The following LINGO2 variants were observed in gnomAD, a reference collection of about 807,000 sequenced individuals.
LINGO2 encodes the protein leucine-rich repeat and immunoglobulin-like domain-containing nogo receptor-interacting protein 2.
LINGO2 carries 14 observed loss-of-function variants against 30.6 expected under a neutral mutation model. The ratio of observed to expected loss-of-function variants is 0.46; its 90% CI spans 0.30 to 0.72. The LOEUF is 0.72. Among genes scored for constraint, LINGO2 ranks in the 30% least tolerant of loss-of-function variants. The pLI is 0.07. For missense variants in LINGO2, 729 were observed against 751.7 expected, an observed-to-expected ratio of 0.97 and a Z score of 0.35; for synonymous variants, 317 against 288.5, an observed-to-expected ratio of 1.10 and a Z score of -1.00.
At chr9:29,042,552 A>G in the LINGO2 span, among the ~76,000 whole-genome samples, 1 of 152,010 alleles carries the variant, frequency 6.6e-6, no homozygotes, top group Admixed American at 6.6e-5. Flanking sequence ...TTTTTTCATT[A>G]AAAATGTATT....
the LINGO2 span, among the ~76,000 whole-genome samples, chr9:29,100,907 TGCGGA>T: frequency 2.0e-5 from 3 of 151,670 alleles, no homozygotes; most frequent in African/African-American, 7.3e-5. Context: ...CAGAAGAAAC[TGCGGA>T]GAAAAAAAGG....
intron 4 of LINGO2, among the ~76,000 whole-genome samples, chr9:28,072,546 A>T (rs1825509452): frequency 6.6e-6 from 1 of 152,210 alleles, no homozygotes; most frequent in Admixed American, 6.5e-5. Flanking sequence ...ATTTCTCTGG[A>T]GTGAAGAATC....
intron 4 of LINGO2, among the ~76,000 whole-genome samples, chr9:28,141,553 C>G (rs751360896): frequency 6.6e-6 from 1 of 152,176 alleles, no homozygotes; most frequent in African/African-American, 2.4e-5. Flanking sequence ...CTTCTGCAGC[C>G]TGGGTTACAC....
In LINGO2 at chr9:28,286,489, A is replaced by G. The variant is rs1587391376; in HGVS notation, c.-87+8719T>C. The stretch of plus-strand genomic sequence containing the variant: ...CACCTAAAGGAATATAAATCATTCT[A>G]TTATAAAGACACATGCACACATATG... On this transcript the variant is annotated intron_variant, in intron 4 of 5. Transcript: ENST00000379992. Among the ~76,000 whole-genome samples, 3 of 152,232 alleles carry G rather than the reference A, an allele frequency of 2.0e-5. No homozygotes were observed. The East Asian group carries it at 5.8e-4, about 29-fold the overall frequency.
intron 5 of LINGO2, among the ~76,000 whole-genome samples, chr9:27,987,532 T>C (rs1265047117): frequency 6.6e-6 from 1 of 151,932 alleles, no homozygotes; most frequent in Non-Finnish European, 1.5e-5. Context: ...ACAATAGCTC[T>C]AGATCACTGT....
At chr9:28,650,171 G>A (rs918852484) in intron 1 of LINGO2, among the ~76,000 whole-genome samples, 4 of 152,090 alleles carry the variant, frequency 2.6e-5, no homozygotes, top group Non-Finnish European at 5.9e-5. Flanking sequence ...CACCCTCAGA[G>A]TTGCACTGGA....
chr9:28,511,395 C>G (rs749165320), intron 1 of LINGO2, among the ~76,000 whole-genome samples: 2 of 152,120 alleles, frequency 1.3e-5, no homozygotes, highest in African/African-American at 2.4e-5. Context: ...AAATGGGGCA[C>G]TCAGCAGTGG....
chr9:28,443,261 T>C (rs1824271971), intron 2 of LINGO2, among the ~76,000 whole-genome samples: 1 of 152,226 alleles, frequency 6.6e-6, no homozygotes, highest in Non-Finnish European at 1.5e-5. Flanking sequence ...TTAATATCCT[T>C]AATGGATAAT....
chr9:28,447,424 T>C (rs951371315), intron 2 of LINGO2, among the ~76,000 whole-genome samples: 2 of 152,148 alleles, frequency 1.3e-5, no homozygotes, highest in Admixed American at 6.5e-5. Flanking sequence ...TCACCAGACA[T>C]GGAATTTACT....
chr9:28,589,140 G>T (rs1321788847), intron 1 of LINGO2, among the ~76,000 whole-genome samples: 4 of 152,030 alleles, frequency 2.6e-5, no homozygotes, highest in Non-Finnish European at 5.9e-5. Context: ...AGGTATTGAT[G>T]GGTTGTATCT....
intron 4 of LINGO2, among the ~76,000 whole-genome samples, chr9:28,229,502 C>A (rs1042157724): frequency 6.6e-6 from 1 of 151,476 alleles, no homozygotes; most frequent in Admixed American, 6.6e-5. Flanking sequence ...AGGTAAAGGA[C>A]CCTCCCTATC....
At chr9:28,185,447 A>T (rs2133734800) in intron 4 of LINGO2, among the ~76,000 whole-genome samples, 1 of 152,144 alleles carries the variant, frequency 6.6e-6, no homozygotes, top group East Asian at 1.9e-4. Flanking sequence ...GTAAAAAAAA[A>T]ACTTTAGAAA....
At chr9:28,581,352 A>G (rs975764419) in intron 1 of LINGO2, among the ~76,000 whole-genome samples, 1 of 151,826 alleles carries the variant, frequency 6.6e-6, no homozygotes, top group African/African-American at 2.4e-5. Context: ...GAGAAACTTG[A>G]ATACCTGCAG....
intron 1 of LINGO2, among the ~76,000 whole-genome samples, chr9:28,528,764 T>A (rs1257141232): frequency 6.6e-6 from 1 of 151,384 alleles, no homozygotes; most frequent in Non-Finnish European, 1.5e-5. Context: ...AGCAAAGGTG[T>A]GTGTGTGTGT....
the LINGO2 span, among the ~76,000 whole-genome samples, chr9:28,692,021 G>A: frequency 6.6e-6 from 1 of 152,120 alleles, no homozygotes; most frequent in South Asian, 2.1e-4. Flanking sequence ...CAATGCTTGT[G>A]TTCTGAATCA....
At chr9:27,960,077 C>A (rs1186650448) in intron 5 of LINGO2, among the ~76,000 whole-genome samples, 2 of 151,904 alleles carry the variant, frequency 1.3e-5, no homozygotes, top group Non-Finnish European at 2.9e-5. Flanking sequence ...GGGGTTATTT[C>A]ATTTTGGTTC....
At chr9:28,881,152 T>A in the LINGO2 span, among the ~76,000 whole-genome samples, 1 of 152,108 alleles carries the variant, frequency 6.6e-6, no homozygotes, top group Non-Finnish European at 1.5e-5. Context: ...ATTTCTTTTA[T>A]CAGTCTCTCA....
intron 5 of LINGO2, among the ~76,000 whole-genome samples, chr9:27,955,903 G>A (rs1466985069): frequency 1.4e-5 from 2 of 147,136 alleles, no homozygotes; most frequent in Non-Finnish European, 3.0e-5. Context: ...GGAGTTTCAT[G>A]TGTTCCATAT....
intron 3 of LINGO2, among the ~76,000 whole-genome samples, chr9:28,341,673 C>A (rs183169156): frequency 6.6e-6 from 1 of 152,170 alleles, no homozygotes; most frequent in African/African-American, 2.4e-5. Context: ...ATTACAAAAC[C>A]CTTTTTCAAA....
Sources: gnomAD v4.1 joint callset for allele counts (sites outside exome capture counted in the v4.1 genomes callset) on GRCh38, gnomAD v4.1.1 for gene constraint, MANE v1.5 for transcripts, NCBI Gene and HGNC (gene_info 2026-07-23, HGNC 2026-07-21) for gene names.